CTNND2: variants seen among roughly 807,000 people sequenced by gnomAD.
CTNND2 encodes the protein catenin delta 2.
CTNND2 carries 22 observed loss-of-function variants against 144.4 expected under a neutral mutation model. The observed-to-expected ratio is 0.15, with a 90% CI of 0.11 to 0.22. The LOEUF (loss-of-function observed/expected upper bound fraction) is 0.22. Among genes scored for constraint, CTNND2 ranks in the 10% least tolerant of loss-of-function variants. The probability of loss-of-function intolerance (pLI) is 1.00; values close to 1 mark genes in which losing one functional copy is unlikely to be tolerated. For synonymous variants in CTNND2, 751 were observed against 695.6 expected (o/e 1.08, Z -1.25); for missense variants, 1,353 against 1,618.8 (o/e 0.84, Z 2.82).
intron 2 of CTNND2, among the ~76,000 whole-genome samples, chr5:11,703,375 A>G (rs941028176): frequency 2.6e-5 from 4 of 152,192 alleles, no homozygotes; most frequent in African/African-American, 9.6e-5. Flanking sequence ...GTGTTCTTAC[A>G]GTCAGGATAC....
intron 1 of CTNND2, among the ~76,000 whole-genome samples, chr5:11,866,626 C>T (rs1795781616): frequency 6.6e-6 from 1 of 152,210 alleles, no homozygotes; most frequent in Non-Finnish European, 1.5e-5. Flanking sequence ...AGCACAGTGC[C>T]TGGCACATCC....
intron 9 of CTNND2, among the ~76,000 whole-genome samples, chr5:11,245,771 C>G (rs1437810774): frequency 6.6e-6 from 1 of 152,164 alleles, no homozygotes; most frequent in Non-Finnish European, 1.5e-5. Context: ...GACCCCAGGA[C>G]ACGGCCCTTT....
intron 10 of CTNND2, among the ~76,000 whole-genome samples, chr5:11,235,261 T>A (rs548281799): frequency 1.3e-5 from 2 of 152,140 alleles, no homozygotes; most frequent in African/African-American, 4.8e-5. Flanking sequence ...AAAGTTATAG[T>A]CTTCAAAAAA....
chr5:11,427,626 G>A (rs956934467), intron 3 of CTNND2, among the ~76,000 whole-genome samples: 1 of 151,876 alleles, frequency 6.6e-6, no homozygotes, highest in Non-Finnish European at 1.5e-5. Context: ...ATTTTGCATT[G>A]GGCATTGTGA....
At chr5:11,732,370 A>G in intron 1 of CTNND2, 98 bp from the exon 2 acceptor site, 2 of 1,218,842 alleles carry the variant, frequency 1.6e-6, no homozygotes, top group Admixed American at 4.3e-5. Flanking sequence ...AAAAAAAGTA[A>G]AACTATAAGC....
intron 9 of CTNND2, among the ~76,000 whole-genome samples, chr5:11,243,768 G>A (rs929113257): frequency 6.6e-6 from 1 of 152,160 alleles, no homozygotes; most frequent in Non-Finnish European, 1.5e-5. Flanking sequence ...TGACTGTTCT[G>A]CTGGTACGGA....
chr5:11,786,913 T>C (rs1204207337), intron 1 of CTNND2, among the ~76,000 whole-genome samples: 3 of 152,168 alleles, frequency 2.0e-5, no homozygotes, highest in Non-Finnish European at 4.4e-5. Context: ...GAAGTAAGCA[T>C]ATGAAAATGT....
intron 2 of CTNND2, among the ~76,000 whole-genome samples, chr5:11,687,604 C>T (rs372566010): frequency 3.9e-5 from 6 of 152,188 alleles, no homozygotes; most frequent in African/African-American, 1.4e-4. Context: ...TGTATGAAAT[C>T]ATTCCTGCAG....
At chr5:11,741,486 C>T (rs1256915108) in intron 1 of CTNND2, among the ~76,000 whole-genome samples, 1 of 151,976 alleles carries the variant, frequency 6.6e-6, no homozygotes. Context: ...GCAAACACTG[C>T]ATGTTCTCAC....
intron 2 of CTNND2, among the ~76,000 whole-genome samples, chr5:11,725,609 G>GA (rs1227316697): frequency 5.9e-5 from 9 of 151,808 alleles, no homozygotes; most frequent in African/African-American, 2.2e-4. Flanking sequence ...TAGTGGGGGG[G>GA]AAAAGCACTG....
At chr5:11,092,357 C>A (rs748899967) in intron 15 of CTNND2, among the ~76,000 whole-genome samples, 17 of 152,176 alleles carry the variant, frequency 1.1e-4, no homozygotes, top group Non-Finnish European at 1.6e-4. Flanking sequence ...CTTTAGAAAT[C>A]AGATCATCCA....
intron 9 of CTNND2, among the ~76,000 whole-genome samples, chr5:11,263,905 C>A (rs1745173941): frequency 6.6e-6 from 1 of 152,210 alleles, no homozygotes; most frequent in South Asian, 2.1e-4. Context: ...AGCTCAGATG[C>A]AGTGGATTAG....
intron 9 of CTNND2, among the ~76,000 whole-genome samples, chr5:11,246,320 T>C (rs1742991992): frequency 6.6e-6 from 1 of 152,000 alleles, no homozygotes; most frequent in African/African-American, 2.4e-5. Context: ...TCTTTGCAGA[T>C]GTAATTGAGG....
chr5:11,082,521 A>T (rs1749684502), intron 16 of CTNND2, among the ~76,000 whole-genome samples, 175 bp downstream of exon 16: 1 of 152,220 alleles, frequency 6.6e-6, no homozygotes, highest in Admixed American at 6.5e-5. Flanking sequence ...TAAATTCTAA[A>T]AGATGACTCA....
At chr5:11,244,847 G>C (rs968168472) in intron 9 of CTNND2, among the ~76,000 whole-genome samples, 1 of 152,172 alleles carries the variant, frequency 6.6e-6, no homozygotes, top group Non-Finnish European at 1.5e-5. Context: ...CAGCTCATGG[G>C]GGACTAGAAG....
chr5:11,749,229 G>C (rs1258001415), intron 1 of CTNND2, among the ~76,000 whole-genome samples: 8 of 151,952 alleles, frequency 5.3e-5, no homozygotes, highest in South Asian at 4.1e-4. Flanking sequence ...CCAGCTAAGT[G>C]GCTCCTAGAT....
At chr5:11,111,549 T>A (rs1330166986) in intron 13 of CTNND2, among the ~76,000 whole-genome samples, 1 of 152,174 alleles carries the variant, frequency 6.6e-6, no homozygotes, top group Non-Finnish European at 1.5e-5. Flanking sequence ...GGGGCTGTGA[T>A]CACCTGGGGT....
rs1258106207 is a variant in CTNND2, at chr5:11,313,322, CTGCTCAGGG to C, written c.1628+33041_1628+33049del. On this transcript the variant is annotated intron_variant, in intron 9 of 21. Transcript: ENST00000304623. ...TGCAGGCTCCCCAGCCTCAGTACGG[CTGCTCAGGG>C]TGCTCAGGGACAAGGTTTTTCCAAG... Among the ~76,000 whole-genome samples, 4 of 152,338 alleles carry C rather than the reference CTGCTCAGGG, an allele frequency of 2.6e-5. 1 individual carries two copies. The highest frequency in any genetic ancestry group is 1.9e-4 in the East Asian group (1 of 5,184).
intron 9 of CTNND2, among the ~76,000 whole-genome samples, chr5:11,301,916 C>T (rs1207205960): frequency 6.6e-6 from 1 of 152,102 alleles, no homozygotes; most frequent in Non-Finnish European, 1.5e-5. Flanking sequence ...CTTGGCCCTT[C>T]ACTGCTCCAT....
Sources: allele counts gnomAD v4.1 joint callset (sites outside exome capture counted in the v4.1 genomes callset), GRCh38; gene constraint gnomAD v4.1.1; transcripts MANE v1.5; gene names NCBI Gene and HGNC (gene_info 2026-07-23, HGNC 2026-07-21).